The following THSD4 variants were observed in gnomAD, a reference collection of about 807,000 sequenced individuals.
THSD4 encodes the protein thrombospondin type 1 domain containing 4.
A neutral mutation model predicts 119.0 loss-of-function variants in THSD4; 69 were observed. That is an observed-to-expected ratio of 0.58 (90% CI 0.48 to 0.71). The LOEUF (loss-of-function observed/expected upper bound fraction) is 0.71. Ranked by LOEUF, THSD4 falls within the 30% of genes least tolerant of loss-of-function variation. The pLI is 0.00. For synonymous variants in THSD4, 524 were observed against 540.4 expected, an observed-to-expected ratio of 0.97 and a Z score of 0.42; for missense variants, 1,393 against 1,391.1, an observed-to-expected ratio of 1.00 and a Z score of -0.02.
chr15:71,448,056 G>T (rs985998299), intron 7 of THSD4, among the ~76,000 whole-genome samples: 4 of 152,180 alleles, frequency 2.6e-5, no homozygotes, highest in African/African-American at 4.8e-5. Flanking sequence ...CACAGATCTG[G>T]TTTTACGGGA....
chr15:71,751,466 T>C (rs115137883), intron 14 of THSD4, among the ~76,000 whole-genome samples: 158 of 152,246 alleles, frequency 1.0e-3, no homozygotes, highest in African/African-American at 3.6e-3. Context: ...CATAGCTTTT[T>C]TTCCTCATAC....
At chr15:71,382,608 T>C (rs1174672482) in intron 6 of THSD4, among the ~76,000 whole-genome samples, 1 of 152,182 alleles carries the variant, frequency 6.6e-6, no homozygotes, top group East Asian at 1.9e-4. Flanking sequence ...GCCTTTCTTA[T>C]AACTTTCCTC....
chr15:71,570,396 A>G (rs2049326027), intron 7 of THSD4, among the ~76,000 whole-genome samples: 1 of 136,692 alleles, frequency 7.3e-6, no homozygotes, highest in African/African-American at 2.6e-5. Context: ...CAGATTACTC[A>G]GATATACTTT....
chr15:71,337,942 G>A (rs189899266), intron 6 of THSD4, among the ~76,000 whole-genome samples: 4 of 152,216 alleles, frequency 2.6e-5, no homozygotes, highest in African/African-American at 9.7e-5. Context: ...GTGTAAACTG[G>A]TGGAGCTGAT....
chr15:71,673,042 G>A (rs1469458248), intron 8 of THSD4, among the ~76,000 whole-genome samples: 6 of 152,166 alleles, frequency 3.9e-5, no homozygotes, highest in African/African-American at 1.4e-4. Context: ...TCTATTGATT[G>A]GAATAGTTTC....
chr15:71,541,141 A>T (rs2048754704), intron 7 of THSD4, among the ~76,000 whole-genome samples: 4 of 152,258 alleles, frequency 2.6e-5, no homozygotes, highest in Admixed American at 2.6e-4. Context: ...GCCACATTTT[A>T]AAAAGTAAAA....
At chr15:71,553,918 A>G (rs1463682717) in intron 7 of THSD4, among the ~76,000 whole-genome samples, 1 of 152,072 alleles carries the variant, frequency 6.6e-6, no homozygotes, top group Non-Finnish European at 1.5e-5. Flanking sequence ...TATTTGATTT[A>G]TAAATATTTT....
Position 71,660,648 on chromosome 15 carries a change from G to C in THSD4, c.1271G>C (p.Ser424Thr), listed in dbSNP as rs1018609673. 1.2e-6 allele frequency: 2 copies of C among 1,614,208 alleles called. No homozygotes were observed. Among genetic ancestry groups the C allele is most frequent in the Non-Finnish European group, 1.7e-6 (2 of 1,180,030 alleles). Residue 424 changes from serine to threonine, a missense_variant, in exon 8 of 18, where the codon AGC (serine) becomes ACC (threonine). Coordinates refer to ENST00000261862, the MANE Select transcript of THSD4 (RefSeq NM_024817.3). The part of the protein sequence containing the change: ...VSGVFKHALT[S>T]LGYHRVVEIP... ...GGCGTGTTTAAGCATGCCCTCACCA[G>C]CCTGGGCTACCACCGCGTCGTGGAG...
chr15:71,626,980 G>A (rs747714670), intron 7 of THSD4, among the ~76,000 whole-genome samples: 1 of 152,166 alleles, frequency 6.6e-6, no homozygotes, highest in Non-Finnish European at 1.5e-5. Context: ...TAATATTTGA[G>A]GAAGGGAGGT....
intron 7 of THSD4, among the ~76,000 whole-genome samples, chr15:71,613,881 G>A (rs1367684959): frequency 6.6e-6 from 1 of 152,176 alleles, no homozygotes; most frequent in East Asian, 1.9e-4. Flanking sequence ...TTGTATATCT[G>A]TAACTGATAT....
chr15:71,274,787 A>G (rs373085228), intron 6 of THSD4, among the ~76,000 whole-genome samples: 1 of 152,252 alleles, frequency 6.6e-6, no homozygotes, highest in African/African-American at 2.4e-5. Context: ...AGGGTATTCT[A>G]GCAGGTGTAA....
intron 10 of THSD4, among the ~76,000 whole-genome samples, chr15:71,737,264 G>T (rs1171953153): frequency 5.3e-5 from 8 of 152,226 alleles, no homozygotes; most frequent in Non-Finnish European, 8.8e-5. Context: ...AATAATGCCA[G>T]ATTTCCCTCC....
intron 7 of THSD4, among the ~76,000 whole-genome samples, chr15:71,614,422 C>A (rs34989103): frequency 0.094 from 14,374 of 152,200 alleles, 850 homozygotes; most frequent in Middle Eastern, 0.14. Context: ...CTGGTTCTCA[C>A]ACCTACTCCT....
At chr15:71,573,316 G>C (rs1279116055) in intron 7 of THSD4, among the ~76,000 whole-genome samples, 1 of 152,182 alleles carries the variant, frequency 6.6e-6, no homozygotes, top group African/African-American at 2.4e-5. Context: ...GTGGCAGTGA[G>C]AATAGAAGAT....
intron 7 of THSD4, among the ~76,000 whole-genome samples, chr15:71,527,114 CT>C (rs1410528528): frequency 6.6e-6 from 1 of 152,044 alleles, no homozygotes; most frequent in Non-Finnish European, 1.5e-5. Context: ...GGGGTTCAGC[CT>C]TTTTTGCCCT....
chr15:71,303,750 G>A (rs905849316), intron 6 of THSD4, among the ~76,000 whole-genome samples: 1 of 152,068 alleles, frequency 6.6e-6, no homozygotes, highest in Non-Finnish European at 1.5e-5. Flanking sequence ...TGGTGCGCTG[G>A]ATTAGTCATA....
At chr15:71,632,260 G>A (rs1356317365) in intron 7 of THSD4, among the ~76,000 whole-genome samples, 2 of 152,158 alleles carry the variant, frequency 1.3e-5, no homozygotes, top group Non-Finnish European at 2.9e-5. Context: ...GGCGTTGCCT[G>A]AGTTCTGTAC....
At chr15:71,237,610 T>C (rs2044116080) in intron 4 of THSD4, among the ~76,000 whole-genome samples, 1 of 152,176 alleles carries the variant, frequency 6.6e-6, no homozygotes. Flanking sequence ...AAGCAGAAGC[T>C]GGATTTTAGT....
intron 8 of THSD4, among the ~76,000 whole-genome samples, chr15:71,692,078 C>T (rs2052064985): frequency 6.6e-6 from 1 of 152,148 alleles, no homozygotes; most frequent in South Asian, 2.1e-4. Flanking sequence ...ATCCAAATGA[C>T]CAGAGCCTCC....
Sources: allele counts gnomAD v4.1 joint callset (sites outside exome capture counted in the v4.1 genomes callset), GRCh38; gene constraint gnomAD v4.1.1; transcripts MANE v1.5; gene names NCBI Gene and HGNC (gene_info 2026-07-23, HGNC 2026-07-21).